Variants in RNF145 observed in about 807,000 individuals in gnomAD.
RNF145 encodes the protein ring finger protein 145.
A neutral mutation model predicts 57.3 loss-of-function variants in RNF145; 12 were observed. That is an observed-to-expected ratio of 0.21 (90% confidence interval 0.13 to 0.34). RNF145 has a LOEUF of 0.34. Among genes scored for constraint, RNF145 ranks in the 10% least tolerant of loss-of-function variants. The pLI, the probability that RNF145 is intolerant of heterozygous loss-of-function variation, is 1.00. For synonymous variants in RNF145, 262 were observed against 288.3 expected, an observed-to-expected ratio of 0.91 and a Z score of 0.92; for missense variants, 429 against 799.0, an observed-to-expected ratio of 0.54 and a Z score of 5.58.
intron 3 of RNF145, 139 bp downstream of exon 3, chr5:159,194,577 T>C: frequency 1.6e-6 from 1 of 638,202 alleles, no homozygotes; most frequent in South Asian, 2.0e-5. Flanking sequence ...CTGTGTAAGA[T>C]TTGGAAAATG....
At chr5:159,170,128 T>TG (rs1346055152) in intron 6 of RNF145, among the ~76,000 whole-genome samples, 1 of 152,240 alleles carries the variant, frequency 6.6e-6, no homozygotes, top group African/African-American at 2.4e-5. Context: ...ATAATTAGCA[T>TG]GCTGACAAGT....
chr5:159,199,066 C>T (rs1785572504), intron 2 of RNF145, among the ~76,000 whole-genome samples: 1 of 152,090 alleles, frequency 6.6e-6, no homozygotes, highest in Non-Finnish European at 1.5e-5. Context: ...CCCTTCTTAC[C>T]TTAAAGGAGC....
intron 6 of RNF145, among the ~76,000 whole-genome samples, chr5:159,170,360 G>A (rs918232162): frequency 6.6e-6 from 1 of 152,060 alleles, no homozygotes; most frequent in Non-Finnish European, 1.5e-5. Flanking sequence ...TTAAAAAAGG[G>A]TTACTTCAAA....
intron 3 of RNF145, among the ~76,000 whole-genome samples, chr5:159,186,529 T>G (rs1196639551): frequency 6.6e-6 from 1 of 152,176 alleles, no homozygotes; most frequent in East Asian, 1.9e-4. Flanking sequence ...CAAGTTATCT[T>G]TTGCAATATG....
intron 2 of RNF145, among the ~76,000 whole-genome samples, chr5:159,200,760 T>A (rs1406393918): frequency 2.6e-5 from 4 of 152,112 alleles, no homozygotes; most frequent in African/African-American, 9.7e-5. Context: ...TATACCAAAT[T>A]CCCACAAATT....
At chr5:159,181,697 A>C (rs1415988006) in intron 4 of RNF145, among the ~76,000 whole-genome samples, 1 of 151,066 alleles carries the variant, frequency 6.6e-6, no homozygotes, top group Non-Finnish European at 1.5e-5. Flanking sequence ...TTAAAAATTA[A>C]TCTTCTCAAA....
chr5:159,181,126 C>T (rs1784879868), intron 4 of RNF145, among the ~76,000 whole-genome samples: 1 of 132,892 alleles, frequency 7.5e-6, no homozygotes, highest in Middle Eastern at 3.6e-3. Flanking sequence ...AAGACTCTGT[C>T]TCAAAAAAAA....
At chr5:159,195,705 T>G (rs1785435808) in intron 2 of RNF145, among the ~76,000 whole-genome samples, 1 of 152,212 alleles carries the variant, frequency 6.6e-6, no homozygotes, top group African/African-American at 2.4e-5. Flanking sequence ...ACAACTGTTT[T>G]TCTCTATATA....
At chr5:159,208,251 G>A (rs1472630788) in intron 1 of RNF145, 12 of 876,716 alleles carry the variant, frequency 1.4e-5, no homozygotes, top group African/African-American at 1.7e-5. Context: ...GGGGCTAAGA[G>A]ATTACGTTCA....
rs371196687 is a variant in RNF145 at position 159,159,039 on chromosome 5, A to C, written c.1627-4T>G. The C allele has an allele frequency of 1.2e-6, 2 of 1,604,534 alleles. No homozygotes were observed. The highest frequency in any genetic ancestry group is 2.7e-5 in the African/African-American group (2 of 74,512). Reference sequence around the variant, plus strand: ...TGATCACAGCAGATTTCATGTCCTAAAAGAGGGGGAAAAAAGATACCTTAT... The same window carrying C: ...TGATCACAGCAGATTTCATGTCCTACAAGAGGGGGAAAAAAGATACCTTAT... On this transcript the variant is annotated splice_polypyrimidine_tract_variant and splice_region_variant and intron_variant, in intron 10 of 10. Transcript: ENST00000424310.
intron 3 of RNF145, among the ~76,000 whole-genome samples, chr5:159,191,209 A>C (rs1048266642): frequency 6.6e-6 from 1 of 152,184 alleles, no homozygotes; most frequent in South Asian, 2.1e-4. Context: ...CTACAATTTC[A>C]AAGAAGTAAC....
chr5:159,170,932 G>A (rs1364936398), intron 6 of RNF145, among the ~76,000 whole-genome samples: 3 of 152,178 alleles, frequency 2.0e-5, no homozygotes, highest in Non-Finnish European at 4.4e-5. Flanking sequence ...TTTCAAAGAA[G>A]AATTTCACTG....
intron 7 of RNF145, 102 bp from the exon 8 acceptor site, chr5:159,169,157 T>A: frequency 2.1e-6 from 2 of 960,424 alleles, no homozygotes; most frequent in South Asian, 2.2e-5. Flanking sequence ...TACATATTTT[T>A]AAATCTATTC....
chr5:159,172,057 T>C (rs962816759), intron 6 of RNF145, among the ~76,000 whole-genome samples: 4 of 152,272 alleles, frequency 2.6e-5, no homozygotes, highest in Non-Finnish European at 5.9e-5. Context: ...TGCACTATGC[T>C]ATACCTCATC....
intron 7 of RNF145, 32 bp downstream of exon 7, chr5:159,169,647 C>T (rs765302447): frequency 2.7e-6 from 4 of 1,494,342 alleles, no homozygotes; most frequent in Non-Finnish European, 3.6e-6. Flanking sequence ...ATAGTATTTA[C>T]ATTTCTAGAT....
At chr5:159,198,741 G>A (rs1238772316) in intron 2 of RNF145, among the ~76,000 whole-genome samples, 1 of 152,170 alleles carries the variant, frequency 6.6e-6, no homozygotes, top group Non-Finnish European at 1.5e-5. Flanking sequence ...TTCATTCAGG[G>A]CTGGGCACAG....
chr5:159,177,118 T>TC (rs1784743391), intron 4 of RNF145, among the ~76,000 whole-genome samples: 1 of 152,098 alleles, frequency 6.6e-6, no homozygotes, highest in Admixed American at 6.6e-5. Context: ...CCACTGGTCG[T>TC]CTGTGATGCC....
At chr5:159,199,725 G>C (rs974094716) in intron 2 of RNF145, among the ~76,000 whole-genome samples, 1 of 151,884 alleles carries the variant, frequency 6.6e-6, no homozygotes. Context: ...GACCCACCAC[G>C]ACCTATAGAA....
chr5:159,204,497 C>CA (rs1456552405), intron 1 of RNF145, among the ~76,000 whole-genome samples: 1 of 151,644 alleles, frequency 6.6e-6, no homozygotes, highest in Non-Finnish European at 1.5e-5. Context: ...CAAATTAATC[C>CA]AAAAAAATAT....
Sources: gnomAD v4.1 joint callset for allele counts (sites outside exome capture counted in the v4.1 genomes callset) on GRCh38, gnomAD v4.1.1 for gene constraint, MANE v1.5 for transcripts, NCBI Gene and HGNC (gene_info 2026-07-23, HGNC 2026-07-21) for gene names.